Variants in NALF1 observed in about 807,000 individuals in gnomAD.
The protein encoded by NALF1 is family with sequence similarity 155 member A.
NALF1 carries 3 observed loss-of-function variants against 48.4 expected under a neutral mutation model. The observed-to-expected ratio is 0.06, with a 90% CI of 0.03 to 0.16. The LOEUF (loss-of-function observed/expected upper bound fraction) is 0.16. NALF1 is among the 10% of genes least tolerant of loss of function. The probability of loss-of-function intolerance (pLI) is 1.00; values close to 1 mark genes in which losing one functional copy is unlikely to be tolerated. For synonymous variants in NALF1, 262 were observed against 245.7 expected (o/e 1.07, Z -0.62); for missense variants, 526 against 571.5 (o/e 0.92, Z 0.81).
At chr13:107,222,253 G>C (rs1180038926) in intron 1 of NALF1, among the ~76,000 whole-genome samples, 1 of 152,028 alleles carries the variant, frequency 6.6e-6, no homozygotes, top group Non-Finnish European at 1.5e-5. Flanking sequence ...TCTCTCTGTG[G>C]CTTACTATTC....
intron 1 of NALF1, among the ~76,000 whole-genome samples, chr13:107,658,555 T>A (rs1422090265): frequency 3.3e-5 from 5 of 152,168 alleles, no homozygotes; most frequent in African/African-American, 1.2e-4. Context: ...GGTCCCTTTT[T>A]CTCAATCTCT....
intron 1 of NALF1, among the ~76,000 whole-genome samples, chr13:107,487,047 C>T (rs1316843773): frequency 1.3e-5 from 2 of 152,022 alleles, no homozygotes; most frequent in African/African-American, 4.8e-5. Flanking sequence ...ACACGAATTC[C>T]TCCGTGCAGC....
intron 1 of NALF1, among the ~76,000 whole-genome samples, chr13:107,553,681 A>C (rs1301851846): frequency 6.6e-6 from 1 of 152,234 alleles, no homozygotes; most frequent in East Asian, 1.9e-4. Flanking sequence ...ATTAAGCTTC[A>C]TTAATTTATA....
chr13:107,857,355 G>T (rs141380871), intron 1 of NALF1, among the ~76,000 whole-genome samples: 27 of 152,318 alleles, frequency 1.8e-4, no homozygotes, highest in African/African-American at 6.5e-4. Flanking sequence ...TAGGGTGCAG[G>T]ACAAAGTTCA....
At chr13:107,457,690 C>G (rs1884846345) in intron 1 of NALF1, among the ~76,000 whole-genome samples, 1 of 152,134 alleles carries the variant, frequency 6.6e-6, no homozygotes, top group Non-Finnish European at 1.5e-5. Context: ...AAGACAAACA[C>G]ATGGAAATTA....
chr13:107,750,486 T>G (rs1876907756), intron 1 of NALF1, among the ~76,000 whole-genome samples: 1 of 151,802 alleles, frequency 6.6e-6, no homozygotes, highest in Non-Finnish European at 1.5e-5. Flanking sequence ...GGAATGAAAG[T>G]GAATCATATA....
intron 2 of NALF1, among the ~76,000 whole-genome samples, chr13:107,189,751 T>C (rs1404139466): frequency 2.6e-5 from 4 of 152,194 alleles, no homozygotes; most frequent in Admixed American, 2.6e-4. Flanking sequence ...TATGGCAAAA[T>C]GCTTTTACTT....
At chr13:107,472,507 A>G (rs55808829) in intron 1 of NALF1, among the ~76,000 whole-genome samples, 40,371 of 151,938 alleles carry the variant, frequency 0.27, 6,201 homozygotes, top group Non-Finnish European at 0.34. Flanking sequence ...ACCCACCCTC[A>G]ACCCAGGTTG....
intron 1 of NALF1, among the ~76,000 whole-genome samples, chr13:107,781,814 G>A (rs1168530014): frequency 2.6e-5 from 4 of 152,094 alleles, no homozygotes; most frequent in South Asian, 2.1e-4. Flanking sequence ...TGCATTGCCT[G>A]TAATCATTAT....
intron 1 of NALF1, among the ~76,000 whole-genome samples, chr13:107,502,740 CT>C (rs1335612104): frequency 6.6e-6 from 1 of 152,128 alleles, no homozygotes; most frequent in East Asian, 1.9e-4. Context: ...GATGTTTCCC[CT>C]GATAGTTGTG....
chr13:107,473,062 C>T (rs193169838), intron 1 of NALF1, among the ~76,000 whole-genome samples: 10 of 152,310 alleles, frequency 6.6e-5, no homozygotes, highest in Admixed American at 1.3e-4. Context: ...AATGAGCATA[C>T]TTTCCTCAAG....
intron 1 of NALF1, among the ~76,000 whole-genome samples, chr13:107,670,456 A>G (rs140117933): frequency 6.6e-6 from 1 of 152,170 alleles, no homozygotes; most frequent in Non-Finnish European, 1.5e-5. Flanking sequence ...TATGGAAATC[A>G]GTGATAAGAC....
chr13:107,471,948 A>G (rs1885107576), intron 1 of NALF1, among the ~76,000 whole-genome samples: 2 of 152,214 alleles, frequency 1.3e-5, no homozygotes, highest in Non-Finnish European at 2.9e-5. Flanking sequence ...AAATGTATTA[A>G]CCTATTCTGT....
chr13:107,290,174 C>CA (rs35974424), intron 1 of NALF1, among the ~76,000 whole-genome samples: 3,339 of 65,734 alleles, frequency 0.051, 150 homozygotes, highest in African/African-American at 0.17. Flanking sequence ...CACAAACCAG[C>CA]AAAAAAAAAA....
At chr13:107,365,271 C>T (rs1883134364) in intron 1 of NALF1, among the ~76,000 whole-genome samples, 1 of 151,854 alleles carries the variant, frequency 6.6e-6, no homozygotes, top group Non-Finnish European at 1.5e-5. Flanking sequence ...TGCTTTACAA[C>T]CTACTAATAA....
chr13:107,809,363 C>T (rs528736631), intron 1 of NALF1, among the ~76,000 whole-genome samples: 2 of 152,124 alleles, frequency 1.3e-5, no homozygotes, highest in South Asian at 4.1e-4. Context: ...CCTCTTAGTG[C>T]CTCCCAACTC....
intron 2 of NALF1, among the ~76,000 whole-genome samples, chr13:107,193,864 G>T (rs1879330986): frequency 6.6e-6 from 1 of 151,974 alleles, no homozygotes; most frequent in African/African-American, 2.4e-5. Flanking sequence ...CAGAGATAGG[G>T]AGAAAGAGAG....
intron 1 of NALF1, among the ~76,000 whole-genome samples, chr13:107,575,690 C>G (rs182737867): frequency 2.0e-5 from 3 of 152,116 alleles, no homozygotes; most frequent in Non-Finnish European, 2.9e-5. Context: ...TAAAGATGGA[C>G]TCCTGGCTGT....
At chr13:107,814,519 T>C (rs764740580) in intron 1 of NALF1, among the ~76,000 whole-genome samples, 3 of 152,110 alleles carry the variant, frequency 2.0e-5, no homozygotes, top group Non-Finnish European at 4.4e-5. Flanking sequence ...ACAGGAAAGC[T>C]GGAGTTGCTA....
Sources: allele counts gnomAD v4.1 joint callset (sites outside exome capture counted in the v4.1 genomes callset), GRCh38; gene constraint gnomAD v4.1.1; transcripts MANE v1.5; gene names NCBI Gene and HGNC (gene_info 2026-07-23, HGNC 2026-07-21).